The following PPA1 variants were observed in gnomAD, a reference collection of about 807,000 sequenced individuals.
The protein encoded by PPA1 is inorganic pyrophosphatase.
Under a neutral mutation model 41.8 loss-of-function variants are expected in PPA1, and 23 were observed. The observed-to-expected ratio is 0.55, with a 90% CI of 0.40 to 0.78. The LOEUF (loss-of-function observed/expected upper bound fraction) is 0.78. PPA1 is among the 30% of genes least tolerant of loss of function. The pLI, the probability that PPA1 is intolerant of heterozygous loss-of-function variation, is 0.00. For synonymous variants in PPA1, 101 were observed against 116.8 expected, an observed-to-expected ratio of 0.86 and a Z score of 0.87; for missense variants, 320 against 361.6, an observed-to-expected ratio of 0.89 and a Z score of 0.93.
chr10:70,204,718 A>G (rs10999179), intron 10 of PPA1, 155 bp downstream of exon 10: 21,175 of 575,012 alleles, frequency 0.037, 1,203 homozygotes, highest in African/African-American at 0.2. Context: ...GTAATTAGCC[A>G]GATTTAATCA....
intron 2 of PPA1, among the ~76,000 whole-genome samples, chr10:70,229,677 T>C (rs1378346880): frequency 6.6e-6 from 1 of 152,238 alleles, no homozygotes; most frequent in East Asian, 1.9e-4. Flanking sequence ...TACTGTTTCA[T>C]AAAGATCCCA....
In PPA1 at chr10:70,206,277, G is replaced by A. The variant is rs780305788; in HGVS notation, c.782C>T (p.Ala261Val). 11 of 1,612,552 alleles carry A rather than the reference G, an allele frequency of 6.8e-6. No individual in the cohort carries two copies. The highest frequency in any genetic ancestry group is 8.5e-6 in the Non-Finnish European group (10 of 1,178,832). The change falls in exon 9 of 11, where the codon GCC (alanine) becomes GTC (valine). Residue 261 changes from alanine (A) to valine (V), a missense_variant. Physicochemically the swap from Ala to Val is moderately conservative, Grantham distance 64. Transcript: ENST00000373232. ...PFKCDPDAAR[A>V]IVDALPPPCE... Reference sequence around the variant, plus strand: ...ACTTTTACATACAGCATCCACAATGGCTCTGGCAGCATCAGGATCACACTT... The same window carrying A: ...ACTTTTACATACAGCATCCACAATGACTCTGGCAGCATCAGGATCACACTT...
intron 8 of PPA1, among the ~76,000 whole-genome samples, chr10:70,207,168 CA>C (rs1839955128): frequency 6.6e-6 from 1 of 151,908 alleles, no homozygotes; most frequent in Admixed American, 6.6e-5. Flanking sequence ...TCTAAGAACC[CA>C]ATCCAATACT....
chr10:70,212,157 A>T (rs894272257), intron 6 of PPA1, among the ~76,000 whole-genome samples: 1 of 152,208 alleles, frequency 6.6e-6, no homozygotes, highest in Non-Finnish European at 1.5e-5. Context: ...TTGAGAATGG[A>T]GTATCTGCAT....
At chr10:70,219,465 T>C (rs2136761173) in intron 2 of PPA1, among the ~76,000 whole-genome samples, 1 of 152,290 alleles carries the variant, frequency 6.6e-6, no homozygotes, top group East Asian at 1.9e-4. Flanking sequence ...GACTAATTAC[T>C]TGATCATACT....
chr10:70,223,102 C>T (rs1256102332), intron 2 of PPA1, among the ~76,000 whole-genome samples: 2 of 152,058 alleles, frequency 1.3e-5, no homozygotes, highest in Non-Finnish European at 2.9e-5. Flanking sequence ...TGGCGACTAA[C>T]GTCTATAATC....
intron 5 of PPA1, 64 bp from the exon 6 acceptor site, chr10:70,213,653 T>C (rs1448425922): frequency 1.3e-6 from 2 of 1,520,882 alleles, no homozygotes; most frequent in Admixed American, 1.9e-5. Flanking sequence ...ACAGTTTTAC[T>C]TGGCTAACAG....
chr10:70,206,215 A>G, intron 9 of PPA1, 49 bp downstream of exon 9: 1 of 1,416,576 alleles, frequency 7.1e-7, no homozygotes, highest in African/African-American at 1.4e-5. Flanking sequence ...TTAGCATCAT[A>G]GTTTTTAGCA....
intron 2 of PPA1, among the ~76,000 whole-genome samples, chr10:70,219,719 A>T (rs1378269837): frequency 1.3e-5 from 2 of 152,228 alleles, no homozygotes; most frequent in African/African-American, 2.4e-5. Context: ...TATAAAATAG[A>T]TGATATATTC....
chr10:70,218,243 G>A (rs143225025), intron 3 of PPA1, among the ~76,000 whole-genome samples: 1,852 of 151,986 alleles, frequency 0.012, 33 homozygotes, highest in African/African-American at 0.042. Flanking sequence ...TATTAAAAGG[G>A]CAAAATAAAT....
intron 2 of PPA1, among the ~76,000 whole-genome samples, chr10:70,229,977 C>T (rs1340261636): frequency 1.3e-5 from 2 of 152,008 alleles, no homozygotes; most frequent in East Asian, 1.9e-4. Context: ...AGTGCCATCT[C>T]GGCTCACTGC....
At chr10:70,213,188 A>C (rs947126596) in intron 6 of PPA1, among the ~76,000 whole-genome samples, 1 of 152,222 alleles carries the variant, frequency 6.6e-6, no homozygotes, top group Non-Finnish European at 1.5e-5. Context: ...AATGTTTTAA[A>C]ATAAATAAAC....
At chr10:70,216,954 G>A (rs1221650970) in intron 4 of PPA1, among the ~76,000 whole-genome samples, 2 of 152,100 alleles carry the variant, frequency 1.3e-5, no homozygotes, top group Non-Finnish European at 2.9e-5. Flanking sequence ...CGGATCACAG[G>A]TCAGGAGATC....
At chr10:70,211,058 C>T (rs561455507) in intron 6 of PPA1, among the ~76,000 whole-genome samples, 3 of 152,252 alleles carry the variant, frequency 2.0e-5, no homozygotes, top group East Asian at 3.9e-4. Flanking sequence ...CCACCGCGCC[C>T]GGCCGCTTCA....
At chr10:70,215,334 C>G (rs1342925420) in intron 4 of PPA1, among the ~76,000 whole-genome samples, 11 of 152,262 alleles carry the variant, frequency 7.2e-5, no homozygotes, top group African/African-American at 2.6e-4. Context: ...AAGTGATCCT[C>G]CCACCTTGGC....
intron 8 of PPA1, 52 bp from the exon 9 acceptor site, chr10:70,206,385 T>G: frequency 2.2e-6 from 3 of 1,364,176 alleles, no homozygotes; most frequent in Non-Finnish European, 3.1e-6. Context: ...AAATTATCTC[T>G]TAAGAGTTAA....
chr10:70,214,484 TG>T lies in PPA1; in HGVS notation c.384+15del, dbSNP rs1840055995. 6.3e-7 allele frequency: 1 copy of T among 1,598,740 alleles called. No homozygotes were observed. Among genetic ancestry groups the T allele is most frequent in the Non-Finnish European group, 8.6e-7 (1 of 1,169,358 alleles). ...AATATCTCAACACTAAAGAAAAAAA[TG>T]TCACATTTCATTACCTTGCTTCCAA... On this transcript the variant is annotated intron_variant, in intron 5 of 10. Coordinates refer to ENST00000373232, the MANE Select transcript of PPA1 (RefSeq NM_021129.4).
chr10:70,233,258 A>C lies in PPA1; in HGVS notation c.64+6T>G, dbSNP rs898761023. The C allele has an allele frequency of 1.0e-4, 153 of 1,537,132 alleles. No homozygotes were observed. Among genetic ancestry groups the C allele is most frequent in the Non-Finnish European group, 1.3e-4 (151 of 1,142,354 alleles). ...CGCGGAGGGGCCACGGGCCGCAGAC[A>C]CTCACTGAGGAAGACTCGGTACTCC... is the stretch of plus-strand genomic sequence containing the variant. On this transcript the variant is annotated splice_donor_region_variant and intron_variant, in intron 1 of 10. Coordinates refer to ENST00000373232, the MANE Select transcript of PPA1 (RefSeq NM_021129.4).
At chr10:70,210,080 T>G in intron 6 of PPA1, 1 of 307,970 alleles carries the variant, frequency 3.2e-6, no homozygotes, top group Non-Finnish European at 6.2e-6. Context: ...AAGACAGAGG[T>G]TATCTTTTTT....
Sources: allele counts gnomAD v4.1 joint callset (sites outside exome capture counted in the v4.1 genomes callset), GRCh38; gene constraint gnomAD v4.1.1; transcripts MANE v1.5; gene names NCBI Gene and HGNC (gene_info 2026-07-23, HGNC 2026-07-21).